Variants in HDAC9 observed in about 807,000 individuals in gnomAD.
HDAC9 encodes the protein MEF-2 interacting transcription repressor (MITR) protein.
In HDAC9, 41 loss-of-function variants were observed where a neutral mutation model predicts 139.4. That is an observed-to-expected ratio of 0.29 (90% CI 0.23 to 0.38). The LOEUF (loss-of-function observed/expected upper bound fraction) is 0.38, where lower values mean the gene tolerates loss of function less well. HDAC9 is among the 10% of genes least tolerant of loss of function. The pLI is 1.00. For missense variants in HDAC9, 1,147 were observed against 1,297.0 expected, an observed-to-expected ratio of 0.88 and a Z score of 1.78; for synonymous variants, 517 against 476.2, an observed-to-expected ratio of 1.09 and a Z score of -1.12.
intron 1 of HDAC9, among the ~76,000 whole-genome samples, chr7:18,139,056 G>A (rs1319368599): frequency 6.6e-6 from 1 of 150,630 alleles, no homozygotes; most frequent in Non-Finnish European, 1.5e-5. Flanking sequence ...ACAGTGGAAA[G>A]TATGCTTAAG....
intron 1 of HDAC9, among the ~76,000 whole-genome samples, chr7:18,371,085 A>G (rs1046447139): frequency 6.6e-6 from 1 of 152,162 alleles, no homozygotes; most frequent in Non-Finnish European, 1.5e-5. Context: ...GTCAGAAGAA[A>G]AGTGTTTATA....
At chr7:18,481,841 C>A (rs2128128118) in intron 1 of HDAC9, among the ~76,000 whole-genome samples, 2 of 152,182 alleles carry the variant, frequency 1.3e-5, no homozygotes, top group South Asian at 4.1e-4. Flanking sequence ...AGTCTGAATG[C>A]TTGAGGTTCA....
At chr7:18,705,987 A>G (rs1236635726) in intron 12 of HDAC9, among the ~76,000 whole-genome samples, 2 of 151,898 alleles carry the variant, frequency 1.3e-5, no homozygotes. Flanking sequence ...GAACCCTTTC[A>G]TTGATGTCTG....
intron 16 of HDAC9, among the ~76,000 whole-genome samples, chr7:18,791,939 T>C (rs1431376123): frequency 1.3e-5 from 2 of 152,154 alleles, no homozygotes; most frequent in Admixed American, 1.3e-4. Flanking sequence ...CACAGAGCCA[T>C]TAATTAATTA....
chr7:18,130,110 C>A (rs773237602), intron 1 of HDAC9, among the ~76,000 whole-genome samples: 15 of 152,206 alleles, frequency 9.9e-5, no homozygotes, highest in Non-Finnish European at 1.8e-4. Flanking sequence ...GAACCAAAAT[C>A]CTTTGAATAT....
chr7:18,675,271 C>T (rs1382100410), intron 12 of HDAC9, among the ~76,000 whole-genome samples: 3 of 152,112 alleles, frequency 2.0e-5, no homozygotes, highest in Middle Eastern at 3.4e-3. Flanking sequence ...GGAACTGCCT[C>T]GTACGGTAAT....
chr7:18,487,039 G>A (rs1325216379), intron 1 of HDAC9, among the ~76,000 whole-genome samples: 1 of 152,060 alleles, frequency 6.6e-6, no homozygotes, highest in African/African-American at 2.4e-5. Flanking sequence ...AGAATATGGT[G>A]CACCAGCAAG....
At chr7:18,836,711 A>C (rs1401086763) in intron 21 of HDAC9, among the ~76,000 whole-genome samples, 1 of 152,172 alleles carries the variant, frequency 6.6e-6, no homozygotes, top group Admixed American at 6.6e-5. Flanking sequence ...CTTCTCTGGA[A>C]TTAAGAAAAT....
At chr7:18,318,491 A>T (rs1218653990) in intron 1 of HDAC9, among the ~76,000 whole-genome samples, 2 of 152,332 alleles carry the variant, frequency 1.3e-5, no homozygotes, top group African/African-American at 4.8e-5. Context: ...TCACCTGTGG[A>T]GATGGTGAAA....
chr7:18,529,934 C>G (rs1198394173), intron 2 of HDAC9, among the ~76,000 whole-genome samples: 1 of 152,088 alleles, frequency 6.6e-6, no homozygotes, highest in Non-Finnish European at 1.5e-5. Context: ...TTAATTTCTA[C>G]TGTAATTATT....
chr7:18,586,857 T>C (rs1374576185), intron 3 of HDAC9, among the ~76,000 whole-genome samples: 1 of 152,154 alleles, frequency 6.6e-6, no homozygotes, highest in Admixed American at 6.5e-5. Flanking sequence ...ATGGGTAGCC[T>C]TTCTTTAGTT....
chr7:18,097,883 C>A (rs1318773995), intron 1 of HDAC9, among the ~76,000 whole-genome samples: 2 of 152,094 alleles, frequency 1.3e-5, no homozygotes, highest in Non-Finnish European at 2.9e-5. Flanking sequence ...ATTGTTAATA[C>A]CACCATCATC....
chr7:18,704,660 T>G (rs1783748185), intron 12 of HDAC9, among the ~76,000 whole-genome samples: 1 of 152,178 alleles, frequency 6.6e-6, no homozygotes, highest in Admixed American at 6.5e-5. Context: ...AATTTGAAGT[T>G]TAAACATACT....
At chr7:18,381,708 T>A (rs1785463509) in intron 1 of HDAC9, among the ~76,000 whole-genome samples, 1 of 152,070 alleles carries the variant, frequency 6.6e-6, no homozygotes, top group Admixed American at 6.5e-5. Context: ...ACTTAAATAA[T>A]AAAATATTAA....
At chr7:18,317,185 A>C (rs1799713366) in intron 1 of HDAC9, among the ~76,000 whole-genome samples, 1 of 151,118 alleles carries the variant, frequency 6.6e-6, no homozygotes, top group Middle Eastern at 3.2e-3. Flanking sequence ...TGACAGAGTG[A>C]GACTCTGTCT....
chr7:18,314,366 C>A (rs2128628487), intron 1 of HDAC9, among the ~76,000 whole-genome samples: 1 of 152,124 alleles, frequency 6.6e-6, no homozygotes, highest in Non-Finnish European at 1.5e-5. Context: ...CTGAAAAATC[C>A]CAAGACAGAA....
At chr7:18,696,191 C>G (rs918446558) in intron 12 of HDAC9, among the ~76,000 whole-genome samples, 1 of 151,812 alleles carries the variant, frequency 6.6e-6, no homozygotes, top group Non-Finnish European at 1.5e-5. Context: ...ATGGTGGCTT[C>G]TTTAAACCAA....
rs1367733758 is a variant in HDAC9 at position 19,001,192 on chromosome 7, T to A, written c.*5130T>A. Reference sequence around the variant, plus strand: ...AAATTGTACATACATTTCCTTGTCCTTTGGGAGATGTCTTTGAGTCAAACC... The same window carrying A: ...AAATTGTACATACATTTCCTTGTCCATTGGGAGATGTCTTTGAGTCAAACC... On this transcript the variant is annotated 3_prime_UTR_variant, in exon 26 of 26. Coordinates refer to ENST00000686413, the MANE Select transcript of HDAC9 (RefSeq NM_178425.4). 2 of 152,192 alleles carry A rather than the reference T, an allele frequency of 1.3e-5. No homozygotes were observed. Among genetic ancestry groups the A allele is most frequent in the African/African-American group, 4.8e-5 (2 of 41,468 alleles). 9.4% of individuals were successfully genotyped at this position (152,192 alleles called of 1,614,324 possible).
At chr7:18,591,774 T>A in intron 5 of HDAC9, 132 bp downstream of exon 5, 1 of 1,206,438 alleles carries the variant, frequency 8.3e-7, no homozygotes, top group Non-Finnish European at 1.2e-6. Flanking sequence ...TTCAGTTCTC[T>A]AAGGATCAGT....
Sources: allele counts gnomAD v4.1 joint callset (sites outside exome capture counted in the v4.1 genomes callset), GRCh38; gene constraint gnomAD v4.1.1; transcripts MANE v1.5; gene names NCBI Gene and HGNC (gene_info 2026-07-23, HGNC 2026-07-21).